The following RBFOX1 variants were observed in gnomAD, a reference collection of about 807,000 sequenced individuals.
RBFOX1 encodes the protein RNA binding protein fox-1 homolog 1.
Under a neutral mutation model 57.7 loss-of-function variants are expected in RBFOX1, and 8 were observed. The observed-to-expected ratio is 0.14, with a 90% CI of 0.08 to 0.25. The LOEUF (loss-of-function observed/expected upper bound fraction) is 0.25, where lower values mean the gene tolerates loss of function less well. RBFOX1 is among the 10% of genes least tolerant of loss of function. The pLI is 1.00. For missense variants in RBFOX1, 611 were observed against 548.5 expected (o/e 1.11, Z -1.14); for synonymous variants, 326 against 222.4 (o/e 1.47, Z -4.15).
At chr16:6,770,125 A>G (rs1365527405) in intron 3 of RBFOX1, among the ~76,000 whole-genome samples, 1 of 152,236 alleles carries the variant, frequency 6.6e-6, no homozygotes, top group Non-Finnish European at 1.5e-5. Context: ...TGTATTAAGC[A>G]GAAAGGCAGC....
chr16:6,549,494 AGAG>A (rs1459791213), intron 2 of RBFOX1, among the ~76,000 whole-genome samples: 10 of 56,820 alleles, frequency 1.8e-4, no homozygotes, highest in African/African-American at 3.2e-4. Context: ...GGGAAGAGGA[AGAG>A]GAGGAGGGGA....
chr16:5,876,894 G>C (rs2057626425), intron 4 of RBFOX1, among the ~76,000 whole-genome samples: 1 of 152,170 alleles, frequency 6.6e-6, no homozygotes, highest in Admixed American at 6.5e-5. Flanking sequence ...GACAGACTCA[G>C]CCACAGTGGT....
chr16:6,230,209 T>C (rs1470428797), intron 1 of RBFOX1, among the ~76,000 whole-genome samples: 2 of 152,198 alleles, frequency 1.3e-5, no homozygotes, highest in African/African-American at 4.8e-5. Context: ...AATTAGTGAT[T>C]GGAATGAGTT....
chr16:6,966,022 C>A (rs1568124718), intron 3 of RBFOX1, among the ~76,000 whole-genome samples: 1 of 152,064 alleles, frequency 6.6e-6, no homozygotes, highest in Non-Finnish European at 1.5e-5. Context: ...CATAGAAAAT[C>A]GGAGATACGT....
chr16:6,680,249 G>T (rs1603379917), intron 3 of RBFOX1, among the ~76,000 whole-genome samples: 1 of 143,236 alleles, frequency 7.0e-6, no homozygotes, highest in African/African-American at 2.6e-5. Context: ...TATGATTCCT[G>T]TCTTTGCTTT....
At chr16:5,824,156 G>C (rs1243839579) in intron 3 of RBFOX1, among the ~76,000 whole-genome samples, 2 of 152,236 alleles carry the variant, frequency 1.3e-5, no homozygotes, top group Non-Finnish European at 2.9e-5. Flanking sequence ...TGAGGACTAA[G>C]AAGCCAAGGA....
chr16:5,697,870 A>T (rs930860773), intron 3 of RBFOX1, among the ~76,000 whole-genome samples: 1 of 152,148 alleles, frequency 6.6e-6, no homozygotes, highest in Non-Finnish European at 1.5e-5. Flanking sequence ...TGATCTTTGC[A>T]ATAGTCTTTG....
At chr16:6,006,931 C>A (rs112491138) in intron 4 of RBFOX1, among the ~76,000 whole-genome samples, 2,660 of 152,250 alleles carry the variant, frequency 0.017, 79 homozygotes, top group African/African-American at 0.061. Flanking sequence ...ATTTTTTCTC[C>A]CATATCTCTG....
chr16:6,812,945 G>C (rs898205990), intron 3 of RBFOX1, among the ~76,000 whole-genome samples: 4 of 152,148 alleles, frequency 2.6e-5, no homozygotes, highest in Non-Finnish European at 5.9e-5. Flanking sequence ...GAGACTGGGA[G>C]AATAGGGAAG....
chr16:6,978,054 C>T lies in RBFOX1; in HGVS notation c.-15-74003C>T, dbSNP rs1488454890. On this transcript the variant is annotated intron_variant, in intron 3 of 15. Transcript: ENST00000550418. ...CCCCCAAGCCCCGCCCTCCCTCTAA[C>T]CTGCCCCGTACCCCGCCCCCCTTCA... Among the ~76,000 whole-genome samples, 14 of 116,644 alleles carry T rather than the reference C, an allele frequency of 1.2e-4. No individual in the cohort carries two copies. The East Asian group carries it at 3.7e-3, about 30-fold the overall frequency. 76.5% of individuals were successfully genotyped at this position (116,644 alleles called of 152,430 possible).
chr16:5,401,710 G>A (rs928075280), intron 1 of RBFOX1, among the ~76,000 whole-genome samples: 2 of 149,158 alleles, frequency 1.3e-5, no homozygotes, highest in African/African-American at 5.0e-5. Context: ...TCATTGTTTT[G>A]ATTTCTTGTT....
At chr16:6,876,661 G>C (rs1330817784) in intron 3 of RBFOX1, among the ~76,000 whole-genome samples, 2 of 151,994 alleles carry the variant, frequency 1.3e-5, no homozygotes, top group East Asian at 1.9e-4. Context: ...TTCTCACCTA[G>C]GGTTCTATTT....
intron 4 of RBFOX1, among the ~76,000 whole-genome samples, chr16:7,380,791 C>G (rs73550732): frequency 0.028 from 4,289 of 152,182 alleles, 202 homozygotes; most frequent in African/African-American, 0.1. Flanking sequence ...TAATAATAAA[C>G]TTAAAATCCC....
intron 4 of RBFOX1, among the ~76,000 whole-genome samples, chr16:5,982,809 G>A (rs773171865): frequency 2.6e-5 from 4 of 152,176 alleles, no homozygotes; most frequent in Non-Finnish European, 4.4e-5. Context: ...CTACTAGAAC[G>A]TAAATACCTG....
chr16:6,930,520 C>G (rs1038604779), intron 3 of RBFOX1, among the ~76,000 whole-genome samples: 4 of 152,066 alleles, frequency 2.6e-5, no homozygotes, highest in Admixed American at 2.6e-4. Flanking sequence ...GGTGATTCTC[C>G]TGCCTCAGCC....
chr16:6,739,635 G>C (rs1379704302), intron 3 of RBFOX1, among the ~76,000 whole-genome samples: 2 of 152,144 alleles, frequency 1.3e-5, no homozygotes, highest in East Asian at 3.9e-4. Flanking sequence ...CCAGCACTTT[G>C]GGAGGCCGAG....
intron 4 of RBFOX1, among the ~76,000 whole-genome samples, chr16:7,368,898 C>G (rs557676263): frequency 3.3e-5 from 5 of 152,008 alleles, no homozygotes; most frequent in African/African-American, 9.7e-5. Context: ...AGAAAGTGCC[C>G]TCTAATGGCC....
Position 6,142,283 on chromosome 16 carries a change from G to A in RBFOX1, c.-127+122291G>A, listed in dbSNP as rs148331107. On this transcript the variant is annotated intron_variant, in intron 1 of 15. Coordinates refer to ENST00000550418, the MANE Select transcript of RBFOX1 (RefSeq NM_018723.4). ...GTCACCCAGGCTGGAGTGAAATGGC[G>A]TGATCTTGGCTCACTGCAAGCTCCA... Among the ~76,000 whole-genome samples, 115 of 143,866 alleles carry A rather than the reference G, an allele frequency of 8.0e-4. 1 individual carries two copies. In the East Asian group the frequency reaches 0.02, roughly 26 times the overall value. 94.4% of individuals were successfully genotyped at this position (143,866 alleles called of 152,430 possible). A position where few individuals can be genotyped will look rare whatever the true frequency, so the allele number is the denominator to read the frequency against.
At chr16:5,689,675 C>A (rs1294362292) in intron 3 of RBFOX1, among the ~76,000 whole-genome samples, 3 of 152,036 alleles carry the variant, frequency 2.0e-5, no homozygotes, top group Admixed American at 2.0e-4. Context: ...CTTATTCAGT[C>A]ATTCGTACAT....
Sources: allele counts gnomAD v4.1 joint callset (sites outside exome capture counted in the v4.1 genomes callset), GRCh38; gene constraint gnomAD v4.1.1; transcripts MANE v1.5; gene names NCBI Gene and HGNC (gene_info 2026-07-23, HGNC 2026-07-21).